The following VEPH1 variants were observed in gnomAD, a reference collection of about 807,000 sequenced individuals.
The protein encoded by VEPH1 is ventricular zone expressed PH domain containing 1.
VEPH1 carries 80 observed loss-of-function variants against 85.2 expected under a neutral mutation model. The ratio of observed to expected loss-of-function variants is 0.94; its 90% CI spans 0.78 to 1.13. The LOEUF (loss-of-function observed/expected upper bound fraction) is 1.13. Ranked by LOEUF, VEPH1 falls within the 50% of genes most tolerant of loss-of-function variation. The pLI is 0.00. For synonymous variants in VEPH1, 297 were observed against 348.0 expected (o/e 0.85, Z 1.63); for missense variants, 955 against 980.5 (o/e 0.97, Z 0.35).
intron 4 of VEPH1, among the ~76,000 whole-genome samples, chr3:157,444,912 A>G (rs1577676615): frequency 6.6e-6 from 1 of 152,194 alleles, no homozygotes; most frequent in African/African-American, 2.4e-5. Context: ...AGGGACTTCT[A>G]ATTGTTCCCA....
chr3:157,269,402 C>T (rs987756759), intron 12 of VEPH1, among the ~76,000 whole-genome samples: 2 of 151,900 alleles, frequency 1.3e-5, no homozygotes, highest in Admixed American at 1.3e-4. Flanking sequence ...AAAATCAGCC[C>T]TAGGGGAAAA....
At chr3:157,264,512 T>C (rs557330588) in intron 13 of VEPH1, among the ~76,000 whole-genome samples, 1 of 152,342 alleles carries the variant, frequency 6.6e-6, no homozygotes, top group East Asian at 1.9e-4. Context: ...AGTTTACCAC[T>C]GACTCTGTAT....
chr3:157,271,340 G>T (rs992380146), intron 12 of VEPH1, among the ~76,000 whole-genome samples: 1 of 152,134 alleles, frequency 6.6e-6, no homozygotes, highest in Non-Finnish European at 1.5e-5. Flanking sequence ...TGTCAGGCAG[G>T]GTCTTGGCAG....
intron 6 of VEPH1, among the ~76,000 whole-genome samples, chr3:157,408,422 ACTTGATGG>A (rs1731296168): frequency 2.6e-5 from 4 of 152,290 alleles, no homozygotes; most frequent in Non-Finnish European, 5.9e-5. Flanking sequence ...AAGTAGACAG[ACTTGATGG>A]AATCAAAGTT....
chr3:157,359,042 C>T (rs1725757997), intron 9 of VEPH1, among the ~76,000 whole-genome samples: 2 of 152,040 alleles, frequency 1.3e-5, no homozygotes, highest in Admixed American at 1.3e-4. Flanking sequence ...TTGTGTGGGT[C>T]TATAAAGAAA....
chr3:157,465,837 T>A (rs1736318289), intron 3 of VEPH1, among the ~76,000 whole-genome samples: 1 of 152,214 alleles, frequency 6.6e-6, no homozygotes, highest in Admixed American at 6.5e-5. Flanking sequence ...TTACCCCTGT[T>A]ACCCTGCAGG....
chr3:157,355,323 G>A (rs7624629), intron 9 of VEPH1, among the ~76,000 whole-genome samples: 4 of 152,226 alleles, frequency 2.6e-5, no homozygotes, highest in African/African-American at 4.8e-5. Flanking sequence ...CTCAAGAAGA[G>A]TTGGCTGATG....
intron 4 of VEPH1, 73 bp downstream of exon 4, chr3:157,460,107 AC>A (rs761293000): frequency 5.6e-6 from 9 of 1,613,290 alleles, no homozygotes; most frequent in Non-Finnish European, 7.6e-6. Flanking sequence ...CTTCCCACAA[AC>A]CATAAATGCT....
intron 12 of VEPH1, among the ~76,000 whole-genome samples, chr3:157,272,375 TTTTC>T (rs758495924): frequency 0.076 from 7,126 of 94,330 alleles, 278 homozygotes; most frequent in Middle Eastern, 0.095. Context: ...TTTCTCTTTC[TTTTC>T]TTTCTTTCTT....
chr3:157,458,848 T>TTATC (rs1335837432), intron 4 of VEPH1, among the ~76,000 whole-genome samples: 1 of 152,202 alleles, frequency 6.6e-6, no homozygotes, highest in Non-Finnish European at 1.5e-5. Flanking sequence ...AGATACCCAG[T>TTATC]TATCCTAGCA....
intron 2 of VEPH1, among the ~76,000 whole-genome samples, chr3:157,483,154 A>ACACACAC (rs1553797165): frequency 6.6e-6 from 1 of 150,860 alleles, no homozygotes; most frequent in African/African-American, 2.5e-5. Context: ...ACACACACAC[A>ACACACAC]ATGTGTATAT....
chr3:157,270,950 A>G (rs1714466877), intron 12 of VEPH1, among the ~76,000 whole-genome samples: 1 of 152,168 alleles, frequency 6.6e-6, no homozygotes. Flanking sequence ...CTCATGAAGA[A>G]GAGAGAATTT....
chr3:157,292,418 A>G (rs1209392096), intron 11 of VEPH1, among the ~76,000 whole-genome samples: 2 of 152,148 alleles, frequency 1.3e-5, no homozygotes, highest in South Asian at 2.1e-4. Flanking sequence ...GGGGTCAGGT[A>G]TGGTGGCTCA....
intron 11 of VEPH1, among the ~76,000 whole-genome samples, chr3:157,311,057 T>C (rs921830459): frequency 2.6e-5 from 4 of 152,246 alleles, no homozygotes; most frequent in Non-Finnish European, 4.4e-5. Flanking sequence ...ACTTCTTCAA[T>C]TGATATGTAT....
At chr3:157,483,040 A>C (rs1343216116) in intron 2 of VEPH1, among the ~76,000 whole-genome samples, 2 of 151,974 alleles carry the variant, frequency 1.3e-5, no homozygotes, top group South Asian at 2.1e-4. Context: ...CCACATAGTT[A>C]TTACTGTTAT....
intron 4 of VEPH1, chr3:157,438,020 A>C (rs1577657243): frequency 2.4e-6 from 2 of 836,442 alleles, no homozygotes; most frequent in Non-Finnish European, 3.4e-6. Context: ...TTTCATGGGA[A>C]GCGCGCGCGC....
chr3:157,350,010 GA>G (rs534358207), intron 9 of VEPH1, among the ~76,000 whole-genome samples: 44 of 151,650 alleles, frequency 2.9e-4, no homozygotes, highest in African/African-American at 9.4e-4. Context: ...CACATAAATA[GA>G]AAAAAAATCC....
At chr3:157,342,170 TAAC>T (rs1723645322) in intron 9 of VEPH1, among the ~76,000 whole-genome samples, 1 of 152,138 alleles carries the variant, frequency 6.6e-6, no homozygotes, top group Non-Finnish European at 1.5e-5. Flanking sequence ...AATTCACACA[TAAC>T]AATACTAACC....
chr3:157,478,850 C>T (rs1440473522), intron 2 of VEPH1, among the ~76,000 whole-genome samples: 2 of 152,082 alleles, frequency 1.3e-5, no homozygotes, highest in African/African-American at 4.8e-5. Flanking sequence ...CCCCTTAAAG[C>T]TATGAATTTC....
Sources: gnomAD v4.1 joint callset for allele counts (sites outside exome capture counted in the v4.1 genomes callset) on GRCh38, gnomAD v4.1.1 for gene constraint, MANE v1.5 for transcripts, NCBI Gene and HGNC (gene_info 2026-07-23, HGNC 2026-07-21) for gene names.